The following BTBD1 variants were observed in gnomAD, a reference collection of about 807,000 sequenced individuals.
BTBD1 encodes BTB domain containing 1.
In BTBD1, 34 loss-of-function variants were observed where a neutral mutation model predicts 48.0. The ratio of observed to expected loss-of-function variants is 0.71; its 90% CI spans 0.54 to 0.94. The LOEUF (loss-of-function observed/expected upper bound fraction) is 0.94. Ranked by LOEUF, BTBD1 falls within the 40% of genes least tolerant of loss-of-function variation. The pLI is 0.00. For synonymous variants in BTBD1, 261 were observed against 242.1 expected, an observed-to-expected ratio of 1.08 and a Z score of -0.72; for missense variants, 543 against 625.6, an observed-to-expected ratio of 0.87 and a Z score of 1.41.
rs763181393 is a variant in BTBD1, at chr15:83,018,033, G to C, written c.*34C>G. 3 of 1,470,448 alleles carry C rather than the reference G, an allele frequency of 2.0e-6. No homozygotes were observed. The Admixed American group carries it at 5.7e-5, about 28-fold the overall frequency. The allele number at this position is 1,470,448 out of a possible 1,614,324, so 91.1% of individuals were successfully genotyped here. A position where few individuals can be genotyped will look rare whatever the true frequency, so the allele number is the denominator to read the frequency against. On this transcript the variant is annotated 3_prime_UTR_variant, in exon 8 of 8. Transcript: ENST00000261721. The stretch of plus-strand genomic sequence containing the variant: ...TATGTTTTTGACACTAGATTGTATG[G>C]TATTATTTAGCCAAGATGTATTATA...
rs1383157366 is a variant in BTBD1 at position 83,018,836 on chromosome 15, T to C, written c.1161A>G (p.Lys387=). The C allele has an allele frequency of 6.2e-7, 1 of 1,613,300 alleles. No homozygotes were observed. Among genetic ancestry groups the C allele is most frequent in the Admixed American group, 1.7e-5 (1 of 59,830 alleles). ...TATCATTCTGTCCCAGGGTTTGCTT[T>C]TTCTCATATTCAATGATCTGTAATT... is the stretch of plus-strand genomic sequence containing the variant. ...QVNIQIIEYE[K]KQTLGQNDTG... The change falls in exon 7 of 8, where the codon AAA becomes AAG. Residue 387 remains lysine (K), a synonymous_variant. Transcript: ENST00000261721.
chr15:83,060,841 A>T (rs1345736964), intron 1 of BTBD1, among the ~76,000 whole-genome samples: 1 of 152,198 alleles, frequency 6.6e-6, no homozygotes, highest in Non-Finnish European at 1.5e-5. Context: ...GCCTAAGGTG[A>T]ATACTTGATT....
In BTBD1 at chr15:83,020,668, A is replaced by G. The variant is rs1228167880; in HGVS notation, c.1143+7T>C. On this transcript the variant is annotated splice_region_variant and intron_variant, in intron 6 of 7. Coordinates refer to ENST00000261721, the MANE Select transcript of BTBD1 (RefSeq NM_025238.4). ...AAAATGATATATGGTGGGGGAGGAA[A>G]CTGTACCTGTATATTCACTTGATAA... is the stretch of plus-strand genomic sequence containing the variant. 4 of 1,552,232 alleles carry G rather than the reference A, an allele frequency of 2.6e-6. No homozygotes were observed. Among genetic ancestry groups the G allele is most frequent in the Non-Finnish European group, 3.5e-6 (4 of 1,130,038 alleles).
In BTBD1 at chr15:83,017,967, T is replaced by C; in HGVS notation, c.*100A>G. ...AGAAACTGTTTCTTATCTTACAATT[T>C]TAAATATTCATAACACTCAAACTAC... On this transcript the variant is annotated 3_prime_UTR_variant, in exon 8 of 8. Coordinates refer to ENST00000261721, the MANE Select transcript of BTBD1 (RefSeq NM_025238.4). The C allele has an allele frequency of 1.4e-6, 1 of 701,010 alleles. No individual in the cohort carries two copies. Among genetic ancestry groups the C allele is most frequent in the African/African-American group, 1.8e-5 (1 of 54,566 alleles). The allele number at this position is 701,010 out of a possible 1,614,324, so 43.4% of individuals were successfully genotyped here.
chr15:83,043,929 T>C (rs1413671130), intron 3 of BTBD1, among the ~76,000 whole-genome samples: 2 of 152,198 alleles, frequency 1.3e-5, no homozygotes, highest in Non-Finnish European at 2.9e-5. Context: ...TAGGCAAAAT[T>C]AAAATAAGCT....
intron 1 of BTBD1, among the ~76,000 whole-genome samples, chr15:83,058,881 T>A (rs8033594): frequency 0.032 from 4,809 of 152,238 alleles, 236 homozygotes; most frequent in African/African-American, 0.11. Flanking sequence ...GTAGAGAAAT[T>A]TCTGCTTGAG....
rs566474714 is a variant in BTBD1 at position 83,066,086 on chromosome 15, G to A, written c.401+665C>T. Among the ~76,000 whole-genome samples, 22 of 152,236 alleles carry A rather than the reference G, an allele frequency of 1.4e-4. No homozygotes were observed. In the South Asian group the frequency reaches 4.4e-3, roughly 30 times the overall value. ...GTGGACGGATCGCTTGACCCCAGGAGTCCGAGACCAGCCTGGGCAACATAG... is the reference window on the plus strand; with the variant it reads ...GTGGACGGATCGCTTGACCCCAGGAATCCGAGACCAGCCTGGGCAACATAG... On this transcript the variant is annotated intron_variant, in intron 1 of 7. Transcript: ENST00000261721.
In BTBD1 at chr15:83,038,795, T is replaced by C. The variant is rs533011733; in HGVS notation, c.862+2933A>G. Among the ~76,000 whole-genome samples the C allele has an allele frequency of 1.7e-3, 262 of 152,218 alleles. 1 individual carries two copies. Among genetic ancestry groups the C allele is most frequent in the African/African-American group, 6.2e-3 (256 of 41,538 alleles). On this transcript the variant is annotated intron_variant, in intron 4 of 7. Transcript: ENST00000261721. ...GACAAAATGGGGAAAGATCCCTCTA[T>C]TCAGTAAAGGGTGCTGGGAAAGTTG... is the stretch of plus-strand genomic sequence containing the variant.
At chr15:83,030,438 G>GA (rs1250725534) in intron 4 of BTBD1, 110 bp from the exon 5 acceptor site, 1 of 851,268 alleles carries the variant, frequency 1.2e-6, no homozygotes. Context: ...AAAAATAGGG[G>GA]AAAAAAATCT....
intron 4 of BTBD1, among the ~76,000 whole-genome samples, chr15:83,031,819 GA>G: frequency 6.7e-6 from 1 of 150,182 alleles, no homozygotes; most frequent in African/African-American, 2.4e-5. Context: ...ATACACATAA[GA>G]AAAAATGCTC....
chr15:83,041,163 A>G (rs998942928), intron 4 of BTBD1, among the ~76,000 whole-genome samples: 1 of 151,114 alleles, frequency 6.6e-6, no homozygotes, highest in African/African-American at 2.4e-5. Flanking sequence ...AAAAAAGAAA[A>G]AAAAGAAAAA....
chr15:83,041,504 T>G (rs191082464), intron 4 of BTBD1, among the ~76,000 whole-genome samples: 11 of 151,980 alleles, frequency 7.2e-5, no homozygotes, highest in African/African-American at 2.4e-4. Flanking sequence ...GCCTCCTGAG[T>G]AGCTGAGATT....
chr15:83,025,867 T>A (rs2032395263), intron 5 of BTBD1, among the ~76,000 whole-genome samples: 1 of 152,130 alleles, frequency 6.6e-6, no homozygotes, highest in African/African-American at 2.4e-5. Flanking sequence ...CCTCCCGGGT[T>A]CACGCAATTC....
Position 83,067,061 on chromosome 15 carries a change from G to A in BTBD1, c.91C>T (p.Pro31Ser), listed in dbSNP as rs752870529. 6.4e-7 allele frequency: 1 copy of A among 1,571,678 alleles called. No homozygotes were observed. The highest frequency in any genetic ancestry group is 1.1e-5 in the South Asian group (1 of 87,506). ...GPAGPPPPPS[P>S]SSLGPLLPLQ... ...GGGAGCAGGGGCCCCAGAGAGGACG[G>A]TGAGGGCGGCGGCGGCGGCCCCGCG... is the stretch of plus-strand genomic sequence containing the variant. Residue 31 changes from proline to serine, a missense_variant, in exon 1 of 8, where the codon CCG becomes TCG. By Grantham distance (74) the Pro-to-Ser change is moderately conservative. This residue lies in a region of BTBD1 where 173 missense variants were observed against 163.9 expected (regional missense o/e 1.06). Transcript: ENST00000261721.
At chr15:83,035,547 AC>A (rs2032609248) in intron 4 of BTBD1, among the ~76,000 whole-genome samples, 1 of 152,120 alleles carries the variant, frequency 6.6e-6, no homozygotes, top group South Asian at 2.1e-4. Context: ...TAATGAAAAT[AC>A]ACATATTAAA....
chr15:83,052,195 G>A (rs1386062454), intron 2 of BTBD1, among the ~76,000 whole-genome samples: 6 of 151,930 alleles, frequency 3.9e-5, no homozygotes, highest in African/African-American at 1.2e-4. Context: ...GACCTCAAGC[G>A]ATCCACCTGC....
intron 5 of BTBD1, among the ~76,000 whole-genome samples, chr15:83,021,785 A>C (rs139437001): frequency 0.023 from 3,403 of 148,538 alleles, 57 homozygotes; most frequent in Middle Eastern, 0.043. Context: ...TGGAACTAAA[A>C]GCCTGTAAAA....
chr15:83,049,326 G>A (rs946858888), intron 3 of BTBD1, among the ~76,000 whole-genome samples: 1 of 152,164 alleles, frequency 6.6e-6, no homozygotes, highest in South Asian at 2.1e-4. Flanking sequence ...CGAAGATACA[G>A]GAGAACATGT....
Position 83,020,724 on chromosome 15 carries a change from C to A in BTBD1, c.1094G>T (p.Gly365Val). The A allele has an allele frequency of 6.2e-7, 1 of 1,608,470 alleles. No homozygotes were observed. Among genetic ancestry groups the A allele is most frequent in the Non-Finnish European group, 8.5e-7 (1 of 1,175,486 alleles). The change falls in exon 6 of 8, where the codon GGC (glycine) becomes GTC (valine). Residue 365 changes from glycine to valine, a missense_variant. By Grantham distance (109) the Gly-to-Val change is moderately radical (BLOSUM62 -3). Coordinates refer to ENST00000261721, the MANE Select transcript of BTBD1 (RefSeq NM_025238.4). ...AGGGCCATGAATAGATCCATACAAG[C>A]CAAATCCAACTATAGAGATCCTTCT... ...VNRRISIVGF[G>V]LYGSIHGPTD...
Sources: allele counts gnomAD v4.1 joint callset (sites outside exome capture counted in the v4.1 genomes callset), GRCh38; gene constraint gnomAD v4.1.1; regional missense constraint gnomAD v4.1.1; transcripts MANE v1.5; gene names NCBI Gene and HGNC (gene_info 2026-07-23, HGNC 2026-07-21).